REDIC1: variants seen among roughly 807,000 people sequenced by gnomAD.
The protein encoded by REDIC1 is HEI10 Interacting Protein 1.
chr12:39,669,053 C>T, the REDIC1 span, among the ~76,000 whole-genome samples: 1 of 152,158 alleles, frequency 6.6e-6, no homozygotes, highest in Non-Finnish European at 1.5e-5. Flanking sequence ...TCTCTCAACT[C>T]ATCAAAGTCA....
the REDIC1 span, among the ~76,000 whole-genome samples, chr12:39,670,999 T>C: frequency 1.3e-5 from 2 of 152,196 alleles, no homozygotes; most frequent in Non-Finnish European, 2.9e-5. Flanking sequence ...GCTTCTTTTA[T>C]ATCATGATTT....
At chr12:39,641,141 C>A in the REDIC1 span, 1 of 597,830 alleles carries the variant, frequency 1.7e-6, no homozygotes, top group South Asian at 2.6e-5. Context: ...TGATTAGCCA[C>A]GTATTTTGCT....
the REDIC1 span, among the ~76,000 whole-genome samples, chr12:39,712,631 G>T: frequency 7.0e-6 from 1 of 143,614 alleles, no homozygotes; most frequent in Non-Finnish European, 1.5e-5. Context: ...GTGTATATAT[G>T]TATACACATT....
At chr12:39,852,782 C>T in the REDIC1 span, among the ~76,000 whole-genome samples, 1 of 152,124 alleles carries the variant, frequency 6.6e-6, no homozygotes, top group Admixed American at 6.5e-5. Context: ...CTCCTGAAAC[C>T]AATCAGATTG....
At chr12:39,746,747 G>C in the REDIC1 span, among the ~76,000 whole-genome samples, 1 of 152,218 alleles carries the variant, frequency 6.6e-6, no homozygotes, top group East Asian at 1.9e-4. Flanking sequence ...GAATGATCAG[G>C]CAGCAGCATT....
chr12:39,634,053 C>T, the REDIC1 span, among the ~76,000 whole-genome samples: 1 of 152,130 alleles, frequency 6.6e-6, no homozygotes, highest in Non-Finnish European at 1.5e-5. Flanking sequence ...TTGATTCTTC[C>T]TATCCAGGAG....
At chr12:39,635,899 G>C in the REDIC1 span, among the ~76,000 whole-genome samples, 1 of 152,078 alleles carries the variant, frequency 6.6e-6, no homozygotes, top group Admixed American at 6.6e-5. Context: ...AGGAATGTTT[G>C]TGTGGAAATC....
chr12:39,759,987 C>T, the REDIC1 span: 14 of 1,512,704 alleles, frequency 9.3e-6, no homozygotes, highest in African/African-American at 1.2e-4. Flanking sequence ...CTTCTCCCCC[C>T]AGTTTGTTTA....
At chr12:39,704,613 A>T in the REDIC1 span, among the ~76,000 whole-genome samples, 11 of 151,914 alleles carry the variant, frequency 7.2e-5, no homozygotes, top group Non-Finnish European at 1.6e-4. Context: ...CTATAAAGAC[A>T]CATGCACACG....
At chr12:39,660,207 ACT>A in the REDIC1 span, among the ~76,000 whole-genome samples, 1 of 152,066 alleles carries the variant, frequency 6.6e-6, no homozygotes, top group African/African-American at 2.4e-5. Context: ...ACTTGAGAAC[ACT>A]CTGGATCTCT....
the REDIC1 span, among the ~76,000 whole-genome samples, chr12:39,793,213 T>C: frequency 1.3e-5 from 2 of 152,130 alleles, no homozygotes; most frequent in African/African-American, 2.4e-5. Context: ...CATTGGACAT[T>C]GAATTAAAGA....
chr12:39,786,301 A>G, the REDIC1 span, among the ~76,000 whole-genome samples: 1 of 152,046 alleles, frequency 6.6e-6, no homozygotes, highest in Non-Finnish European at 1.5e-5. Flanking sequence ...TGGTTTTATC[A>G]GGGGTTTCCT....
chr12:39,896,142 C>A, the REDIC1 span, among the ~76,000 whole-genome samples: 1 of 141,134 alleles, frequency 7.1e-6, no homozygotes, highest in African/African-American at 2.7e-5. Context: ...ACACGTGTAC[C>A]TATATATGTA....
At chr12:39,648,665 G>A in the REDIC1 span, among the ~76,000 whole-genome samples, 448 of 151,238 alleles carry the variant, frequency 3.0e-3, 4 homozygotes, top group Non-Finnish European at 5.1e-3. Context: ...CAAACACTAT[G>A]TCTTGTTAAT....
At chr12:39,767,004 C>T in the REDIC1 span, among the ~76,000 whole-genome samples, 1 of 152,068 alleles carries the variant, frequency 6.6e-6, no homozygotes, top group Non-Finnish European at 1.5e-5. Flanking sequence ...ATTTTGACCT[C>T]CTCCCATGAA....
chr12:39,651,792 C>A, the REDIC1 span, among the ~76,000 whole-genome samples: 1 of 152,050 alleles, frequency 6.6e-6, no homozygotes, highest in African/African-American at 2.4e-5. Context: ...TGAATTTATG[C>A]ACTTTGATAA....
chr12:39,772,531 T>C, the REDIC1 span, among the ~76,000 whole-genome samples: 1 of 152,064 alleles, frequency 6.6e-6, no homozygotes, highest in Non-Finnish European at 1.5e-5. Context: ...CAGCATTAGA[T>C]GTCCCTTGAC....
chr12:39,783,701 A>G, the REDIC1 span, among the ~76,000 whole-genome samples: 1 of 152,072 alleles, frequency 6.6e-6, no homozygotes, highest in Middle Eastern at 3.2e-3. Flanking sequence ...TCCTTTGCCC[A>G]CTTTTTGGGG....
At chr12:39,853,255 GT>G in the REDIC1 span, among the ~76,000 whole-genome samples, 2 of 152,068 alleles carry the variant, frequency 1.3e-5, no homozygotes, top group African/African-American at 4.8e-5. Flanking sequence ...GATATCCTTT[GT>G]GGAAAATAAA....
Sources: allele counts gnomAD v4.1 joint callset (sites outside exome capture counted in the v4.1 genomes callset), GRCh38; gene constraint gnomAD v4.1.1; transcripts MANE v1.5; gene names NCBI Gene and HGNC (gene_info 2026-07-23, HGNC 2026-07-21).